Variants in FAM53A observed in about 807,000 individuals in gnomAD.
FAM53A encodes the protein family with sequence similarity 53 member A.
FAM53A carries 28 observed loss-of-function variants against 26.6 expected under a neutral mutation model. That is an observed-to-expected ratio of 1.05 (90% confidence interval 0.78 to 1.45). The LOEUF (loss-of-function observed/expected upper bound fraction) is 1.45, where lower values mean the gene tolerates loss of function less well. Among genes scored for constraint, FAM53A ranks in the 40% most tolerant of loss-of-function variants. FAM53A has a pLI of 0.00. For synonymous variants in FAM53A, 290 were observed against 253.1 expected (o/e 1.15, Z -1.38); for missense variants, 650 against 575.8 (o/e 1.13, Z -1.32).
the FAM53A span, among the ~76,000 whole-genome samples, chr4:1,598,776 G>A: frequency 6.6e-6 from 1 of 152,228 alleles, no homozygotes; most frequent in Non-Finnish European, 1.5e-5. Context: ...AAAATCATGC[G>A]GTTTAAGAGC....
intron 1 of FAM53A, among the ~76,000 whole-genome samples, chr4:1,626,974 G>C (rs1715334933): frequency 6.6e-6 from 1 of 152,228 alleles, no homozygotes; most frequent in Admixed American, 6.5e-5. Context: ...CCTGAGGGCA[G>C]GGGCTGTGGG....
chr4:1,576,135 T>C, the FAM53A span, among the ~76,000 whole-genome samples: 4 of 152,172 alleles, frequency 2.6e-5, no homozygotes, highest in African/African-American at 9.7e-5. Flanking sequence ...ATCAGGGCCC[T>C]AGTCGACGCG....
chr4:1,596,134 A>G, the FAM53A span, among the ~76,000 whole-genome samples: 2 of 152,144 alleles, frequency 1.3e-5, no homozygotes, highest in Non-Finnish European at 2.9e-5. Context: ...GGTTGGCTCC[A>G]AGGCCACTAC....
intron 4 of FAM53A, among the ~76,000 whole-genome samples, chr4:1,652,167 C>CCACACGCCA (rs1399481950): frequency 8.1e-6 from 1 of 123,780 alleles, no homozygotes; most frequent in African/African-American, 3.1e-5. Flanking sequence ...CACACACACC[C>CCACACGCCA]CACACGCCAC....
chr4:1,618,005 T>TAGAGCCGACCAGTGAGGAGACG (rs1714870206), exon 2 of FAM53A: 3 of 456,242 alleles, frequency 6.6e-6, no homozygotes, highest in Non-Finnish European at 1.3e-5. Flanking sequence ...ATGCTTGGCA[T>TAGAGCCGACCAGTGAGGAGACG]AGAGCCGACC....
the FAM53A span, among the ~76,000 whole-genome samples, chr4:1,603,396 C>G: frequency 6.6e-6 from 1 of 152,216 alleles, no homozygotes; most frequent in Non-Finnish European, 1.5e-5. Flanking sequence ...GAGCCGACCA[C>G]AGCAACAGAG....
chr4:1,618,068 C>G (rs1560103210), exon 2 of FAM53A: 1 of 456,352 alleles, frequency 2.2e-6, no homozygotes, highest in Non-Finnish European at 4.4e-6. Context: ...GAGGGCCGTG[C>G]TATGTCATGG....
chr4:1,577,936 T>G, the FAM53A span, among the ~76,000 whole-genome samples: 2 of 101,692 alleles, frequency 2.0e-5, no homozygotes, highest in South Asian at 3.5e-4. Flanking sequence ...GCTGCGGGGG[T>G]GCAGGTGGGG....
chr4:1,682,042 G>C (rs577411383), intron 1 of FAM53A, among the ~76,000 whole-genome samples: 50 of 152,180 alleles, frequency 3.3e-4, no homozygotes, highest in Middle Eastern at 3.4e-3. Flanking sequence ...CTCCAGGCCT[G>C]GGTTCCTTGG....
chr4:1,685,998 A>G, upstream of FAM53A, among the ~76,000 whole-genome samples: 1 of 152,134 alleles, frequency 6.6e-6, no homozygotes, highest in East Asian at 1.9e-4. Context: ...CTCAGCCATT[A>G]CTTGGATAAT....
At chr4:1,681,003 G>C (rs1218041531) in intron 1 of FAM53A, among the ~76,000 whole-genome samples, 1 of 152,208 alleles carries the variant, frequency 6.6e-6, no homozygotes, top group East Asian at 1.9e-4. Flanking sequence ...GTCCATGTAG[G>C]TTCATCAACT....
chr4:1,671,223 C>A (rs113858063), intron 1 of FAM53A, among the ~76,000 whole-genome samples: 1 of 139,028 alleles, frequency 7.2e-6, no homozygotes, highest in African/African-American at 2.8e-5. Flanking sequence ...CGTCAGAGCC[C>A]CCAGCTCACA....
At chr4:1,655,866 C>G in intron 3 of FAM53A, 143 bp from the exon 4 acceptor site, 7 of 1,038,996 alleles carry the variant, frequency 6.7e-6, no homozygotes, top group Non-Finnish European at 9.3e-6. Context: ...TCCAAGATGT[C>G]CGTGGCGCAC....
In FAM53A at chr4:1,644,302, C is replaced by T; in HGVS notation, c.883-2695G>A. 2.6e-6 allele frequency: 4 copies of T among 1,535,982 alleles called. No homozygotes were observed. In the East Asian group the frequency reaches 9.8e-5, roughly 38 times the overall value. ...CAGATGCTGTAAGCTCACGCCGAGG[C>T]CTCGGACGCGGGACTCGCACTCGCG... On this transcript the variant is annotated intron_variant, in intron 4 of 4. Coordinates refer to ENST00000308132, the MANE Select transcript of FAM53A (RefSeq NM_001174070.3).
At chr4:1,590,710 GAAT>G in the FAM53A span, among the ~76,000 whole-genome samples, 1 of 151,612 alleles carries the variant, frequency 6.6e-6, no homozygotes, top group Non-Finnish European at 1.5e-5. Context: ...CTGTTTTTGT[GAAT>G]AATAAGTGTG....
intron 4 of FAM53A, among the ~76,000 whole-genome samples, chr4:1,651,078 G>A (rs565699844): frequency 2.9e-4 from 44 of 151,714 alleles, no homozygotes; most frequent in African/African-American, 7.0e-4. Context: ...TTAGCTGGGC[G>A]TGATGGTGGG....
intron 2 of FAM53A, among the ~76,000 whole-genome samples, chr4:1,666,569 A>C (rs1714250967): frequency 6.6e-6 from 1 of 152,256 alleles, no homozygotes; most frequent in Non-Finnish European, 1.5e-5. Context: ...ACCTCCCTGG[A>C]AAGCTGCGCA....
At chr4:1,618,824 C>A (rs1333272304) in intron 1 of FAM53A, among the ~76,000 whole-genome samples, 1 of 152,116 alleles carries the variant, frequency 6.6e-6, no homozygotes, top group Non-Finnish European at 1.5e-5. Flanking sequence ...ATAAGCCAGC[C>A]CCGACCCCCA....
At chr4:1,651,616 G>A (rs1712789920) in intron 4 of FAM53A, among the ~76,000 whole-genome samples, 1 of 152,048 alleles carries the variant, frequency 6.6e-6, no homozygotes, top group Non-Finnish European at 1.5e-5. Context: ...ATCAAGGCCT[G>A]AGGCAGAATA....
Sources: gnomAD v4.1 joint callset for allele counts (sites outside exome capture counted in the v4.1 genomes callset) on GRCh38, gnomAD v4.1.1 for gene constraint, MANE v1.5 for transcripts, NCBI Gene and HGNC (gene_info 2026-07-23, HGNC 2026-07-21) for gene names.